The following CZIB variants were observed in gnomAD, a reference collection of about 807,000 sequenced individuals.
CZIB encodes UPF0587 protein C1orf123.
Under a neutral mutation model 28.3 loss-of-function variants are expected in CZIB, and 26 were observed. The observed-to-expected ratio is 0.92, with a 90% CI of 0.67 to 1.27. CZIB has a LOEUF of 1.27. CZIB is among the 50% of genes most tolerant of loss of function. CZIB has a pLI of 0.00. For missense variants in CZIB, 179 were observed against 197.3 expected (o/e 0.91, Z 0.56); for synonymous variants, 78 against 71.1 (o/e 1.10, Z -0.49).
At chr1:53,220,203 C>G in intron 2 of CZIB, 58 bp downstream of exon 2, 3 of 1,440,868 alleles carry the variant, frequency 2.1e-6, no homozygotes, top group Non-Finnish European at 2.9e-6. Flanking sequence ...GAGAAGGCTC[C>G]GGTTCAGCAC....
At position 53,220,350 on chromosome 1, in the gene CZIB, G is replaced by C; in HGVS notation, c.7-6C>G. 5 of 1,611,992 alleles carry C rather than the reference G, an allele frequency of 3.1e-6. No individual in the cohort carries two copies. Among genetic ancestry groups the C allele is most frequent in the Non-Finnish European group, 4.2e-6 (5 of 1,179,824 alleles). On this transcript the variant is annotated splice_region_variant and splice_polypyrimidine_tract_variant and intron_variant, in intron 1 of 7. Transcript: ENST00000294360. ...TTGAGTTGCAGCGCGATTTTCTGAGGGGGAGGGCCAGAGCGACTGCGTCAG... is the reference window on the plus strand; with the variant it reads ...TTGAGTTGCAGCGCGATTTTCTGAGCGGGAGGGCCAGAGCGACTGCGTCAG...
rs1479990883 is a variant in CZIB, at chr1:53,214,688, CAT to C, written c.452_453del (p.Tyr151Ter). ...DEKAQESVGI[Y>X]EVTHQFVKC ...CACTTCACAAACTGGTGGGTGACCT[CAT>C]AGATTCCCACAGACTCCTGGGCCTT... is the stretch of plus-strand genomic sequence containing the variant. On this transcript the variant is annotated frameshift_variant, in exon 8 of 8. Coordinates refer to ENST00000294360, the MANE Select transcript of CZIB (RefSeq NM_017887.3). LOFTEE classifies it high-confidence loss of function. 3 of 1,614,138 alleles carry C rather than the reference CAT, an allele frequency of 1.9e-6. No homozygotes were observed. The highest frequency in any genetic ancestry group is 2.5e-6 in the Non-Finnish European group (3 of 1,180,036).
At chr1:53,216,519 G>A (rs546379290) in intron 6 of CZIB, among the ~76,000 whole-genome samples, 42 of 152,328 alleles carry the variant, frequency 2.8e-4, no homozygotes, top group Admixed American at 6.5e-4. Context: ...CCCTGAGCAA[G>A]TTGCAAAATC....
rs1314387941 is a variant in CZIB, at chr1:53,216,853, C to T, written c.268G>A (p.Asp90Asn). 1 of 1,613,946 alleles carries T rather than the reference C, an allele frequency of 6.2e-7. No individual in the cohort carries two copies. Among genetic ancestry groups the T allele is most frequent in the East Asian group, 2.2e-5 (1 of 44,894 alleles). ...ACTATTGTCTTGAAGTTCTCATTGT[C>T]TTCAGCCTAGAAAGGAAGTGTGTTG... ...SSTIKPYNAE[D>N]NENFKTIVEF... Residue 90 changes from aspartate to asparagine, a missense_variant, in exon 6 of 8, where the codon GAC becomes AAC. Asp to Asn is a conservative substitution (Grantham distance 23). Transcript: ENST00000294360.
rs375157812 is a variant in CZIB at position 53,220,609 on chromosome 1, C to T, written c.-34G>A. On this transcript the variant is annotated 5_prime_UTR_variant, in exon 1 of 8. Transcript: ENST00000294360. ...TCTCCGCCCGGTGCTGGCTGCGGCCCTTGCCGTTGCTTTCCGGCGCGTCGT... is the reference window on the plus strand; with the variant it reads ...TCTCCGCCCGGTGCTGGCTGCGGCCTTTGCCGTTGCTTTCCGGCGCGTCGT... 5.7e-6 allele frequency: 9 copies of T among 1,592,214 alleles called. No individual in the cohort carries two copies. In the African/African-American group the frequency reaches 8.1e-5, roughly 14 times the overall value.
At position 53,214,392 on chromosome 1, in the gene CZIB, T is replaced by C; in HGVS notation, c.*267A>G. The C allele has an allele frequency of 2.4e-6, 1 of 422,132 alleles. No homozygotes were observed. Among genetic ancestry groups the C allele is most frequent in the East Asian group, 3.7e-5 (1 of 26,878 alleles). The allele number at this position is 422,132 out of a possible 1,614,324, so 26.1% of individuals were successfully genotyped here. A position where few individuals can be genotyped will look rare whatever the true frequency, so the allele number is the denominator to read the frequency against. On this transcript the variant is annotated 3_prime_UTR_variant, in exon 8 of 8. Transcript: ENST00000294360. ...ATCTCCTTAAAAATACTCTTCATTTTCCTAAGGAGTGAACTGCTGCTGCAC... is the reference window on the plus strand; with the variant it reads ...ATCTCCTTAAAAATACTCTTCATTTCCCTAAGGAGTGAACTGCTGCTGCAC...
At chr1:53,218,977 A>C in intron 2 of CZIB, 54 bp from the exon 3 acceptor site, 1 of 1,495,662 alleles carries the variant, frequency 6.7e-7, no homozygotes, top group South Asian at 1.1e-5. Context: ...ACAGACACCA[A>C]GGAAAGGGTA....
rs548401168 is a variant in CZIB, at chr1:53,217,165, G to A, written c.262-306C>T. 7.7e-5 allele frequency: 23 copies of A among 297,844 alleles called. No individual in the cohort carries two copies. The South Asian group carries it at 8.5e-4, about 11-fold the overall frequency. 18.5% of individuals were successfully genotyped at this position (297,844 alleles called of 1,614,324 possible). ...GATTCCTAAACTGTCAAATAGAGCC[G>A]AGGAAACCTCTACAATTTTACTGTC... is the stretch of plus-strand genomic sequence containing the variant. On this transcript the variant is annotated intron_variant, in intron 5 of 7. Transcript: ENST00000294360.
intron 4 of CZIB, 63 bp from the exon 5 acceptor site, chr1:53,218,266 C>T: frequency 6.3e-7 from 1 of 1,594,522 alleles, no homozygotes; most frequent in Non-Finnish European, 8.6e-7. Context: ...GCCAGGTGCC[C>T]ACATGTGGCC....
At chr1:53,219,093 C>G in intron 2 of CZIB, 170 bp from the exon 3 acceptor site, 1 of 650,964 alleles carries the variant, frequency 1.5e-6, no homozygotes, top group Non-Finnish European at 2.8e-6. Flanking sequence ...TATCTCTGGG[C>G]AAAGGATAGG....
In CZIB at chr1:53,218,855, G is replaced by T; in HGVS notation, c.147+12C>A. 6.2e-7 allele frequency: 1 copy of T among 1,610,486 alleles called. No individual in the cohort carries two copies. The highest frequency in any genetic ancestry group is 8.5e-7 in the Non-Finnish European group (1 of 1,176,800). On this transcript the variant is annotated intron_variant, in intron 3 of 7. Transcript: ENST00000294360. ...GAGTGTTTATGTTGGGGGTTGGGCG[G>T]GGAACAGTTACCATCAGCCGGATGT... is the stretch of plus-strand genomic sequence containing the variant.
Position 53,214,554 on chromosome 1 carries a change from A to G in CZIB, c.*105T>C. 1.1e-6 allele frequency: 1 copy of G among 910,290 alleles called. No homozygotes were observed. Among genetic ancestry groups the G allele is most frequent in the Non-Finnish European group, 1.7e-6 (1 of 578,598 alleles). The allele number at this position is 910,290 out of a possible 1,614,324, so 56.4% of individuals were successfully genotyped here. A position where few individuals can be genotyped will look rare whatever the true frequency, so the allele number is the denominator to read the frequency against. On this transcript the variant is annotated 3_prime_UTR_variant, in exon 8 of 8. Coordinates refer to ENST00000294360, the MANE Select transcript of CZIB (RefSeq NM_017887.3). Reference sequence around the variant, plus strand: ...CATGCAGATTGTGAAGGTTTCGTATAGCCACCAGGAGACAAGGGTCAAAGG... The same window carrying G: ...CATGCAGATTGTGAAGGTTTCGTATGGCCACCAGGAGACAAGGGTCAAAGG...
chr1:53,215,897 C>T (rs1259496558), intron 7 of CZIB, 94 bp downstream of exon 7: 2 of 1,290,978 alleles, frequency 1.5e-6, no homozygotes, highest in Non-Finnish European at 2.2e-6. Flanking sequence ...CACAAAAATA[C>T]AGAGTTGGCT....
intron 5 of CZIB, chr1:53,217,814 G>T: frequency 3.9e-6 from 1 of 255,542 alleles, no homozygotes. Context: ...TAACACTGAT[G>T]ATATAAAGGA....
At chr1:53,217,951 G>T in intron 5 of CZIB, 1 of 566,746 alleles carries the variant, frequency 1.8e-6, no homozygotes, top group Non-Finnish European at 3.2e-6. Context: ...GAGGTCCCCT[G>T]AGCTCTCACA....
At chr1:53,219,969 C>A in intron 2 of CZIB, 1 of 418,832 alleles carries the variant, frequency 2.4e-6, no homozygotes. Flanking sequence ...GAACTATTCA[C>A]CTTATTAAAT....
chr1:53,220,403 C>T (rs1645515160), intron 1 of CZIB, 59 bp from the exon 2 acceptor site: 1 of 1,589,790 alleles, frequency 6.3e-7, no homozygotes, highest in Non-Finnish European at 8.6e-7. Flanking sequence ...CACGCCTGCC[C>T]GACCCTCCCG....
intron 6 of CZIB, 37 bp from the exon 7 acceptor site, chr1:53,216,093 AAAG>A: frequency 1.9e-6 from 3 of 1,609,572 alleles, no homozygotes; most frequent in Non-Finnish European, 1.7e-6. Flanking sequence ...AGTCTTGGCA[AAAG>A]AAGGCATTGG....
At position 53,220,589 on chromosome 1, in the gene CZIB, G is replaced by A. The variant is rs377653671; in HGVS notation, c.-14C>T. ...CCTCACCCCCATGGTAGCCCTCTCC[G>A]CCCGGTGCTGGCTGCGGCCCTTGCC... On this transcript the variant is annotated 5_prime_UTR_variant, in exon 1 of 8. Coordinates refer to ENST00000294360, the MANE Select transcript of CZIB (RefSeq NM_017887.3). The A allele has an allele frequency of 9.4e-6, 15 of 1,596,922 alleles. No individual in the cohort carries two copies. The East Asian group carries it at 2.2e-4, about 24-fold the overall frequency.
Sources: gnomAD v4.1 joint callset for allele counts (sites outside exome capture counted in the v4.1 genomes callset) on GRCh38, gnomAD v4.1.1 for gene constraint, MANE v1.5 for transcripts, NCBI Gene and HGNC (gene_info 2026-07-23, HGNC 2026-07-21) for gene names.